WDR36: variants seen among roughly 807,000 people sequenced by gnomAD.
The protein encoded by WDR36 is WD repeat domain 36.
In WDR36, 63 loss-of-function variants were observed where a neutral mutation model predicts 112.7. The observed-to-expected ratio is 0.56, with a 90% CI of 0.46 to 0.69. The LOEUF is 0.69. Among genes scored for constraint, WDR36 ranks in the 30% least tolerant of loss-of-function variants. The pLI is 0.00. For missense variants in WDR36, 1,226 were observed against 1,070.3 expected (o/e 1.15, Z -2.03); for synonymous variants, 410 against 362.2 (o/e 1.13, Z -1.50).
Position 111,123,863 on chromosome 5 carries a change from C to G in WDR36, c.2207C>G (p.Pro736Arg), listed in dbSNP as rs767788539. Residue 736 changes from proline (P) to arginine (R), a missense_variant, in exon 20 of 23, where the codon CCA becomes CGA. Pro to Arg is a moderately radical substitution (Grantham distance 103, BLOSUM62 -2). Coordinates refer to ENST00000513710, the MANE Select transcript of WDR36 (RefSeq NM_139281.3). ...KVPKSAPFFI[P>R]TIPGLVPRYA... is the part of the protein sequence containing the mutation. ...CCCAAATCAGCACCATTTTTCATTCCAACAATTCCTGGCCTTGTACCCAGA... is the reference window on the plus strand; with the variant it reads ...CCCAAATCAGCACCATTTTTCATTCGAACAATTCCTGGCCTTGTACCCAGA... The G allele has an allele frequency of 6.2e-7, 1 of 1,613,794 alleles. No individual in the cohort carries two copies. Among genetic ancestry groups the G allele is most frequent in the Non-Finnish European group, 8.5e-7 (1 of 1,179,886 alleles).
At chr5:111,123,629 A>G (rs1480371731) in intron 19 of WDR36, among the ~76,000 whole-genome samples, 176 bp from the exon 20 acceptor site, 2 of 152,196 alleles carry the variant, frequency 1.3e-5, no homozygotes, top group Non-Finnish European at 2.9e-5. Flanking sequence ...TGGGAAGCCC[A>G]AGTTAAGGAT....
intron 8 of WDR36, 43 bp downstream of exon 8, chr5:111,104,395 AC>A: frequency 2.5e-6 from 4 of 1,609,434 alleles, no homozygotes; most frequent in Non-Finnish European, 3.4e-6. Flanking sequence ...CATCTAACTT[AC>A]CCTTTGGGTT....
In WDR36 at chr5:111,111,513, A is replaced by G. The variant is rs78503863; in HGVS notation, c.1716+235A>G. The G allele has an allele frequency of 0.014, 5,951 of 439,946 alleles. 315 individuals are homozygous for G. Among genetic ancestry groups the G allele is most frequent in the African/African-American group, 0.11 (5,563 of 49,804 alleles). The allele number at this position is 439,946 out of a possible 1,614,324, so 27.3% of individuals were successfully genotyped here. ...CTCATCTTTTTTTTCATTAACTCTA[A>G]ACAAGGCCAAAGTATACTTTAGAGA... On this transcript the variant is annotated intron_variant, in intron 15 of 22. Coordinates refer to ENST00000513710, the MANE Select transcript of WDR36 (RefSeq NM_139281.3).
rs17625012 is a variant in WDR36 at position 111,127,221 on chromosome 5, A to T, written c.*338A>T. On this transcript the variant is annotated 3_prime_UTR_variant, in exon 23 of 23. Transcript: ENST00000513710. ...ATTACACCTGCCTTTTGTTTTGAAG[A>T]CTTAAAGAATCTGCTCAAATGATTT... The T allele has an allele frequency of 0.084, 19,744 of 234,296 alleles. 937 individuals are homozygous for T. Among genetic ancestry groups the T allele is most frequent in the South Asian group, 0.23 (1,447 of 6,218 alleles). The allele number at this position is 234,296 out of a possible 1,614,324, so 14.5% of individuals were successfully genotyped here. A position where few individuals can be genotyped will look rare whatever the true frequency, so the allele number is the denominator to read the frequency against.
chr5:111,124,272 G>T, intron 21 of WDR36, 83 bp downstream of exon 21: 1 of 1,141,002 alleles, frequency 8.8e-7, no homozygotes, highest in South Asian at 1.4e-5. Context: ...AAATATCAGC[G>T]TTCTCAGTAG....
At chr5:111,096,816 AT>A (rs1230579642) in intron 2 of WDR36, among the ~76,000 whole-genome samples, 3 of 152,038 alleles carry the variant, frequency 2.0e-5, no homozygotes, top group African/African-American at 7.2e-5. Flanking sequence ...GCTTGTTTTC[AT>A]TTCTCTAGGA....
rs776672235 is a variant in WDR36 at position 111,129,115 on chromosome 5, A to G, written c.*2232A>G. The G allele has an allele frequency of 3.5e-5, 7 of 198,358 alleles. No homozygotes were observed. The highest frequency in any genetic ancestry group is 4.2e-5 in the Non-Finnish European group (4 of 95,886). The allele number at this position is 198,358 out of a possible 1,614,324, so 12.3% of individuals were successfully genotyped here. A position where few individuals can be genotyped will look rare whatever the true frequency, so the allele number is the denominator to read the frequency against. ...TTCACATTTACCTAATCTCTTGTGC[A>G]CTGTCCAACAGTACTTTGCCTATAA... On this transcript the variant is annotated 3_prime_UTR_variant, in exon 23 of 23. Coordinates refer to ENST00000513710, the MANE Select transcript of WDR36 (RefSeq NM_139281.3).
intron 15 of WDR36, 93 bp from the exon 16 acceptor site, chr5:111,112,981 A>G (rs765582024): frequency 3.8e-6 from 1 of 261,734 alleles, no homozygotes; most frequent in Non-Finnish European, 6.4e-6. Flanking sequence ...GGTGTTAACT[A>G]TATATACATA....
At chr5:111,103,941 A>G in intron 7 of WDR36, 23 bp downstream of exon 7, 1 of 1,609,654 alleles carries the variant, frequency 6.2e-7, no homozygotes, top group Non-Finnish European at 8.5e-7. Flanking sequence ...ATACTTATTG[A>G]TAGGAGTTAA....
In WDR36 at chr5:111,116,712, T is replaced by C. The variant is rs1012744211; in HGVS notation, c.1797-2301T>C. 1.3e-4 allele frequency among the ~76,000 whole-genome samples: 20 copies of C among 152,226 alleles called. 1 individual carries two copies. Among genetic ancestry groups the C allele is most frequent in the African/African-American group, 4.6e-4 (19 of 41,472 alleles). Reference sequence around the variant, plus strand: ...TGAACTAATGTGGCAGTGTAGAATATGCTGTGTATGTGGAAACCACCTTCC... The same window carrying C: ...TGAACTAATGTGGCAGTGTAGAATACGCTGTGTATGTGGAAACCACCTTCC... On this transcript the variant is annotated intron_variant, in intron 16 of 22. Coordinates refer to ENST00000513710, the MANE Select transcript of WDR36 (RefSeq NM_139281.3).
At position 111,097,012 on chromosome 5, in the gene WDR36, G is replaced by A. The variant is rs557488692; in HGVS notation, c.191-67G>A. ...ATTATAGCCATGAAAAATGTTATAT[G>A]TATACTTGAGGTTTCTCTTTAACAT... is the stretch of plus-strand genomic sequence containing the variant. On this transcript the variant is annotated intron_variant, in intron 2 of 22. Transcript: ENST00000513710. The A allele has an allele frequency of 1.2e-5, 13 of 1,073,878 alleles. No individual in the cohort carries two copies. In the East Asian group the frequency reaches 2.1e-4, roughly 18 times the overall value. The allele number at this position is 1,073,878 out of a possible 1,614,324, so 66.5% of individuals were successfully genotyped here. A position where few individuals can be genotyped will look rare whatever the true frequency, so the allele number is the denominator to read the frequency against.
chr5:111,127,723 G>T lies in WDR36; in HGVS notation c.*840G>T. On this transcript the variant is annotated 3_prime_UTR_variant, in exon 23 of 23. Coordinates refer to ENST00000513710, the MANE Select transcript of WDR36 (RefSeq NM_139281.3). ...GATGGTTAAACTGATACCAAGGATA[G>T]GTAAGGGAAATTCCAAATTCCATTG... 4.7e-6 allele frequency: 1 copy of T among 211,178 alleles called. No homozygotes were observed. The highest frequency in any genetic ancestry group is 7.1e-5 in the East Asian group (1 of 14,106). The allele number at this position is 211,178 out of a possible 1,614,324, so 13.1% of individuals were successfully genotyped here.
Position 111,129,440 on chromosome 5 carries a change from T to A in WDR36, c.*2557T>A, listed in dbSNP as rs1753742371. Reference sequence around the variant, plus strand: ...TTGTAATTTAATTACTCTGAAAAAATTATTTTGGTTTTAAATCAGAAATTT... The same window carrying A: ...TTGTAATTTAATTACTCTGAAAAAAATATTTTGGTTTTAAATCAGAAATTT... On this transcript the variant is annotated 3_prime_UTR_variant, in exon 23 of 23. Coordinates refer to ENST00000513710, the MANE Select transcript of WDR36 (RefSeq NM_139281.3). The A allele has an allele frequency of 5.2e-6, 1 of 193,170 alleles. No homozygotes were observed. Among genetic ancestry groups the A allele is most frequent in the African/African-American group, 2.3e-5 (1 of 43,114 alleles). 12.0% of individuals were successfully genotyped at this position (193,170 alleles called of 1,614,324 possible). A position where few individuals can be genotyped will look rare whatever the true frequency, so the allele number is the denominator to read the frequency against.
At chr5:111,107,493 T>A (rs1282040932) in intron 12 of WDR36, 54 bp downstream of exon 12, 6 of 1,592,014 alleles carry the variant, frequency 3.8e-6, no homozygotes, top group Non-Finnish European at 5.1e-6. Context: ...CCTATGGAAA[T>A]CTTGTTATAC....
chr5:111,093,298 G>A (rs1288337649), intron 1 of WDR36, among the ~76,000 whole-genome samples: 1 of 152,034 alleles, frequency 6.6e-6, no homozygotes, highest in East Asian at 1.9e-4. Flanking sequence ...TGTTTCTTTT[G>A]TCTTCTCCGA....
intron 2 of WDR36, 180 bp downstream of exon 2, chr5:111,095,127 T>C: frequency 1.7e-6 from 1 of 605,250 alleles, no homozygotes. Flanking sequence ...AGTTGTTATG[T>C]ATCTTTATTT....
At chr5:111,094,868 A>T (rs1168195190) in intron 1 of WDR36, 52 bp from the exon 2 acceptor site, 3 of 1,424,632 alleles carry the variant, frequency 2.1e-6, no homozygotes, top group Non-Finnish European at 9.8e-7. Flanking sequence ...GTGTTAGGTT[A>T]TTATGATTAT....
intron 2 of WDR36, 154 bp downstream of exon 2, chr5:111,095,101 A>G: frequency 2.9e-6 from 2 of 695,158 alleles, no homozygotes; most frequent in Admixed American, 5.6e-5. Context: ...GCCAGGATAA[A>G]TCATGTTTTG....
chr5:111,108,760 T>G (rs1421878391), intron 12 of WDR36, among the ~76,000 whole-genome samples: 1 of 151,290 alleles, frequency 6.6e-6, no homozygotes, highest in Non-Finnish European at 1.5e-5. Context: ...GCAACATGCC[T>G]AAGATCAATG....
Sources: gnomAD v4.1 joint callset for allele counts (sites outside exome capture counted in the v4.1 genomes callset) on GRCh38, gnomAD v4.1.1 for gene constraint, MANE v1.5 for transcripts, NCBI Gene and HGNC (gene_info 2026-07-23, HGNC 2026-07-21) for gene names.